Variants in MIR2052HG observed in about 807,000 individuals in gnomAD.
MIR2052HG encodes the protein MIR2052 host gene.
chr8:74,715,402 C>T (rs548178778), intron 4 of MIR2052HG, among the ~76,000 whole-genome samples: 77 of 152,258 alleles, frequency 5.1e-4, no homozygotes, highest in Non-Finnish European at 6.3e-4. Context: ...GTACCTTCTG[C>T]CTAATTGTCC....
intron 2 of MIR2052HG, chr8:74,612,960 G>C (rs1192187359): frequency 2.2e-6 from 1 of 455,814 alleles, no homozygotes; most frequent in Admixed American, 2.4e-5. Context: ...ATCTTTGAGT[G>C]CAGCTGCACT....
At chr8:74,723,454 C>T (rs1809599777) in intron 4 of MIR2052HG, among the ~76,000 whole-genome samples, 1 of 152,122 alleles carries the variant, frequency 6.6e-6, no homozygotes, top group African/African-American at 2.4e-5. Context: ...GTCAGACAGA[C>T]CTGAATTTGG....
At chr8:74,634,232 G>C (rs1181067551) in intron 2 of MIR2052HG, among the ~76,000 whole-genome samples, 1 of 152,172 alleles carries the variant, frequency 6.6e-6, no homozygotes, top group Admixed American at 6.6e-5. Flanking sequence ...TTTCAGTTTA[G>C]GTTGGAGAAA....
Position 74,716,443 on chromosome 8 carries a change from T to G in MIR2052HG, n.371+12761T>G, listed in dbSNP as rs572174674. Among the ~76,000 whole-genome samples, 4 of 152,318 alleles carry G rather than the reference T, an allele frequency of 2.6e-5. No homozygotes were observed. In the South Asian group the frequency reaches 8.3e-4, roughly 32 times the overall value. On this transcript the variant is annotated intron_variant and non_coding_transcript_variant, in intron 4 of 6. Coordinates refer to ENST00000523442, the Ensembl canonical transcript of MIR2052HG. ...AGAATGAATCCAGGGCCGGTCACAG[T>G]GGCTCATGCCTGTAATTCCAGCACT...
intron 4 of MIR2052HG, among the ~76,000 whole-genome samples, chr8:74,719,115 C>G (rs1320796792): frequency 6.7e-6 from 1 of 149,950 alleles, no homozygotes; most frequent in East Asian, 2.0e-4. Context: ...AAATACTCAC[C>G]TATTCCTCAA....
At chr8:74,678,563 C>CAAAAAAAAAAA (rs763073114) in intron 2 of MIR2052HG, among the ~76,000 whole-genome samples, 1 of 53,520 alleles carries the variant, frequency 1.9e-5, no homozygotes, top group African/African-American at 6.9e-5. Context: ...GAGTTTGTCT[C>CAAAAAAAAAAA]AAAAAAAAAA....
chr8:74,605,136 G>A (rs998196580), intron 1 of MIR2052HG, among the ~76,000 whole-genome samples: 26 of 151,960 alleles, frequency 1.7e-4, no homozygotes, highest in Non-Finnish European at 4.4e-5. Flanking sequence ...TCTTCTTTTT[G>A]GGTTCCTTAG....
At chr8:74,725,815 G>A (rs1455068819) in intron 4 of MIR2052HG, among the ~76,000 whole-genome samples, 1 of 152,120 alleles carries the variant, frequency 6.6e-6, no homozygotes, top group South Asian at 2.1e-4. Flanking sequence ...AATTTATCAG[G>A]AATGCTAGTT....
At chr8:74,620,239 T>A (rs1006409377) in intron 2 of MIR2052HG, among the ~76,000 whole-genome samples, 1 of 152,240 alleles carries the variant, frequency 6.6e-6, no homozygotes, top group African/African-American at 2.4e-5. Context: ...CCTGGCTGCT[T>A]TCACTGCTGG....
chr8:74,617,371 C>T (rs1808298230), intron 2 of MIR2052HG, among the ~76,000 whole-genome samples: 1 of 151,938 alleles, frequency 6.6e-6, no homozygotes, highest in Admixed American at 6.6e-5. Flanking sequence ...AGTTATTTTA[C>T]TTAGGATAAT....
At chr8:74,685,590 C>G (rs560845515) in intron 2 of MIR2052HG, among the ~76,000 whole-genome samples, 18 of 152,150 alleles carry the variant, frequency 1.2e-4, no homozygotes, top group African/African-American at 4.1e-4. Context: ...TCATAGTCTT[C>G]CACTTGTATA....
intron 2 of MIR2052HG, among the ~76,000 whole-genome samples, chr8:74,645,783 G>A (rs1343810954): frequency 6.6e-6 from 1 of 152,154 alleles, no homozygotes; most frequent in Non-Finnish European, 1.5e-5. Flanking sequence ...AGGGCAACAT[G>A]TATCTCTCAA....
Position 74,678,463 on chromosome 8 carries a change from G to A in MIR2052HG, n.217-23916G>A, listed in dbSNP as rs887467334. On this transcript the variant is annotated intron_variant and non_coding_transcript_variant, in intron 2 of 6. Coordinates refer to ENST00000523442, the Ensembl canonical transcript of MIR2052HG. The stretch of plus-strand genomic sequence containing the variant: ...CTGTAATCCCAGCTACTTGGGAGGC[G>A]GAGACAGGAGAATCGCTTGAACTTG... Among the ~76,000 whole-genome samples, 9 of 151,020 alleles carry A rather than the reference G, an allele frequency of 6.0e-5. No homozygotes were observed. The East Asian group carries it at 7.8e-4, about 13-fold the overall frequency.
At chr8:74,640,246 T>A (rs1808623521) in intron 2 of MIR2052HG, among the ~76,000 whole-genome samples, 1 of 151,862 alleles carries the variant, frequency 6.6e-6, no homozygotes, top group African/African-American at 2.4e-5. Flanking sequence ...ATCAGGTGGA[T>A]CATGAGGTCA....
intron 2 of MIR2052HG, among the ~76,000 whole-genome samples, chr8:74,614,064 A>C (rs1411599314): frequency 6.6e-6 from 1 of 152,224 alleles, no homozygotes; most frequent in Non-Finnish European, 1.5e-5. Flanking sequence ...AGAGGATTCA[A>C]ATAGTTGTTC....
intron 2 of MIR2052HG, chr8:74,633,278 T>A (rs1310429515): frequency 6.6e-6 from 1 of 152,272 alleles, no homozygotes; most frequent in Non-Finnish European, 1.5e-5. Flanking sequence ...TCTTCCTACC[T>A]CAGCCTCCCA....
chr8:74,606,806 C>T (rs144454222), intron 1 of MIR2052HG, among the ~76,000 whole-genome samples: 1 of 100,440 alleles, frequency 1.0e-5, no homozygotes, highest in African/African-American at 3.2e-5. Flanking sequence ...CTCATGCACC[C>T]CTGAACTTAA....
exon 3 of MIR2052HG, chr8:74,702,426 T>C (rs1468125953): frequency 4.4e-6 from 2 of 454,756 alleles, no homozygotes; most frequent in Non-Finnish European, 8.8e-6. Flanking sequence ...TTCATCTGAT[T>C]TGAAGATGAT....
chr8:74,735,341 C>T (rs10086011), intron 4 of MIR2052HG, among the ~76,000 whole-genome samples: 40,502 of 152,026 alleles, frequency 0.27, 5,737 homozygotes, highest in African/African-American at 0.35. Flanking sequence ...GAAGTTTGGT[C>T]GCTTACTTGC....
Sources: allele counts gnomAD v4.1 joint callset (sites outside exome capture counted in the v4.1 genomes callset), GRCh38; gene constraint gnomAD v4.1.1; transcripts MANE v1.5; gene names NCBI Gene and HGNC (gene_info 2026-07-23, HGNC 2026-07-21).